ASIC2: variants seen among roughly 807,000 people sequenced by gnomAD.
The protein encoded by ASIC2 is acid-sensing ion channel 2.
A neutral mutation model predicts 57.3 loss-of-function variants in ASIC2; 25 were observed. That is an observed-to-expected ratio of 0.44 (90% CI 0.32 to 0.61). The LOEUF is 0.61. Ranked by LOEUF, ASIC2 falls within the 20% of genes least tolerant of loss-of-function variation. The pLI is 0.06. For missense variants in ASIC2, 641 were observed against 738.1 expected (o/e 0.87, Z 1.52); for synonymous variants, 319 against 307.5 (o/e 1.04, Z -0.39).
intron 1 of ASIC2, among the ~76,000 whole-genome samples, chr17:33,213,032 A>G (rs1316604989): frequency 1.3e-5 from 2 of 152,194 alleles, no homozygotes; most frequent in African/African-American, 4.8e-5. Flanking sequence ...AATCGTATAA[A>G]CACAGTTTGG....
intron 1 of ASIC2, among the ~76,000 whole-genome samples, chr17:33,247,227 G>A (rs1908721421): frequency 6.6e-6 from 1 of 152,142 alleles, no homozygotes; most frequent in Non-Finnish European, 1.5e-5. Flanking sequence ...TGAGTTAGGT[G>A]GTGAGCCAAT....
At chr17:33,020,415 C>T (rs1033468331) in intron 7 of ASIC2, among the ~76,000 whole-genome samples, 3 of 152,158 alleles carry the variant, frequency 2.0e-5, no homozygotes, top group Non-Finnish European at 4.4e-5. Context: ...AAAATGCTAA[C>T]GTCACCTGGT....
At chr17:33,862,995 C>G (rs747027547) in intron 1 of ASIC2, among the ~76,000 whole-genome samples, 18 of 152,226 alleles carry the variant, frequency 1.2e-4, no homozygotes, top group Non-Finnish European at 1.9e-4. Flanking sequence ...CCCCTTCCAG[C>G]TTAACCCAAA....
At chr17:33,764,469 G>T (rs1040942569) in intron 1 of ASIC2, among the ~76,000 whole-genome samples, 4 of 152,126 alleles carry the variant, frequency 2.6e-5, no homozygotes, top group African/African-American at 9.7e-5. Flanking sequence ...AAAAGAATTT[G>T]TTTCTTACAG....
intron 1 of ASIC2, among the ~76,000 whole-genome samples, chr17:33,649,758 A>T (rs1258993256): frequency 6.6e-6 from 1 of 152,238 alleles, no homozygotes; most frequent in African/African-American, 2.4e-5. Flanking sequence ...ACAGAATTGC[A>T]GAAGCAATTC....
chr17:33,724,137 C>T (rs1909471466), intron 1 of ASIC2, among the ~76,000 whole-genome samples: 1 of 152,080 alleles, frequency 6.6e-6, no homozygotes, highest in African/African-American at 2.4e-5. Flanking sequence ...AGAGGAAATC[C>T]CTTTCACTCG....
intron 1 of ASIC2, among the ~76,000 whole-genome samples, chr17:33,543,019 A>G (rs1915466503): frequency 6.6e-6 from 1 of 151,492 alleles, no homozygotes; most frequent in Admixed American, 6.6e-5. Flanking sequence ...CATCATTCTC[A>G]GTAAACTATC....
At chr17:34,033,670 G>T (rs1385531719) in intron 1 of ASIC2, among the ~76,000 whole-genome samples, 1 of 152,176 alleles carries the variant, frequency 6.6e-6, no homozygotes, top group Non-Finnish European at 1.5e-5. Flanking sequence ...AATAAAAAAT[G>T]ATGAAGGGGC....
chr17:33,850,118 C>T lies in ASIC2; in HGVS notation c.555+305860G>A, dbSNP rs1913724258. ...TGCTTATCATTCTTCCATTACTGTTCTCTTCAGGTGCTCACAAAATCAGGG... is the reference window on the plus strand; with the variant it reads ...TGCTTATCATTCTTCCATTACTGTTTTCTTCAGGTGCTCACAAAATCAGGG... On this transcript the variant is annotated intron_variant, in intron 1 of 9. Coordinates refer to the ASIC2 transcript ENST00000359872. Among the ~76,000 whole-genome samples the T allele has an allele frequency of 2.0e-5, 3 of 152,174 alleles. 1 individual carries two copies. In the South Asian group the frequency reaches 6.2e-4, roughly 32 times the overall value.
In ASIC2 at chr17:33,525,675, C is replaced by A. The variant is rs79082348; in HGVS notation, c.556-413608G>T. Among the ~76,000 whole-genome samples the A allele has an allele frequency of 2.8e-3, 421 of 152,336 alleles. 19 individuals carry two copies. In the East Asian group the frequency reaches 0.075, roughly 27 times the overall value. The stretch of plus-strand genomic sequence containing the variant: ...ATTACCTAGACGGACTGACCAGCTC[C>A]CACAATAGCAGAAGGTCAAGTGTCT... On this transcript the variant is annotated intron_variant, in intron 1 of 9. Coordinates refer to the ASIC2 transcript ENST00000359872.
chr17:33,870,236 T>G (rs1339321560), intron 1 of ASIC2, among the ~76,000 whole-genome samples: 7 of 136,256 alleles, frequency 5.1e-5, no homozygotes, highest in East Asian at 2.1e-4. Flanking sequence ...TTTTTTTTTT[T>G]TTTTTTTTTT....
intron 1 of ASIC2, among the ~76,000 whole-genome samples, chr17:33,267,256 G>A (rs1909499289): frequency 6.6e-6 from 1 of 152,128 alleles, no homozygotes; most frequent in Admixed American, 6.5e-5. Flanking sequence ...AGCAAGGAGT[G>A]TTGGTTTCCA....
chr17:34,142,570 G>A (rs1313668515), intron 1 of ASIC2, among the ~76,000 whole-genome samples: 4 of 152,146 alleles, frequency 2.6e-5, no homozygotes, highest in Admixed American at 2.6e-4. Flanking sequence ...ATAATCATTA[G>A]GTCATTCAGA....
intron 1 of ASIC2, among the ~76,000 whole-genome samples, chr17:34,048,926 G>C (rs569895424): frequency 6.6e-6 from 1 of 152,314 alleles, no homozygotes; most frequent in South Asian, 2.1e-4. Flanking sequence ...CCAGAGAACA[G>C]ACTGTGCGGT....
chr17:33,503,552 G>A lies in ASIC2; in HGVS notation c.556-391485C>T, dbSNP rs935521240. ...TGTTGATAAAAGACGGAGCCTTGGG[G>A]TCTAGTCTTCTCAATCTTATGCACT... On this transcript the variant is annotated intron_variant, in intron 1 of 9. Coordinates refer to the ASIC2 transcript ENST00000359872. Among the ~76,000 whole-genome samples the A allele has an allele frequency of 2.0e-5, 3 of 152,202 alleles. No homozygotes were observed. The East Asian group carries it at 5.8e-4, about 29-fold the overall frequency.
chr17:33,169,599 C>G (rs1243111593), intron 1 of ASIC2, among the ~76,000 whole-genome samples: 1 of 152,232 alleles, frequency 6.6e-6, no homozygotes, highest in Admixed American at 6.5e-5. Context: ...GAACTCAAGT[C>G]TATTTGCTTT....
chr17:33,969,818 T>A (rs778311449), intron 1 of ASIC2, among the ~76,000 whole-genome samples: 2 of 152,118 alleles, frequency 1.3e-5, no homozygotes, highest in African/African-American at 2.4e-5. Context: ...TTGTAGAATG[T>A]CATCGGCAGC....
intron 1 of ASIC2, among the ~76,000 whole-genome samples, chr17:33,277,750 T>C (rs1049097831): frequency 1.3e-5 from 2 of 152,230 alleles, no homozygotes; most frequent in Non-Finnish European, 2.9e-5. Context: ...GATATGTGAT[T>C]GGGTTCCTCC....
At chr17:34,128,525 G>A (rs1911856325) in intron 1 of ASIC2, among the ~76,000 whole-genome samples, 1 of 152,182 alleles carries the variant, frequency 6.6e-6, no homozygotes, top group Admixed American at 6.5e-5. Context: ...CATGACCTGA[G>A]GGATGTCACT....
Sources: gnomAD v4.1 joint callset for allele counts (sites outside exome capture counted in the v4.1 genomes callset) on GRCh38, gnomAD v4.1.1 for gene constraint, MANE v1.5 for transcripts, NCBI Gene and HGNC (gene_info 2026-07-23, HGNC 2026-07-21) for gene names.